The following SELE variants were observed in gnomAD, a reference collection of about 807,000 sequenced individuals.
SELE encodes the protein E-selectin.
In SELE, 52 loss-of-function variants were observed where a neutral mutation model predicts 75.8. That is an observed-to-expected ratio of 0.69 (90% CI 0.55 to 0.86). The LOEUF is 0.86. Among genes scored for constraint, SELE ranks in the 40% least tolerant of loss-of-function variants. The probability of loss-of-function intolerance (pLI) is 0.00; values close to 1 mark genes in which losing one functional copy is unlikely to be tolerated. For missense variants in SELE, 754 were observed against 732.7 expected, an observed-to-expected ratio of 1.03 and a Z score of -0.34; for synonymous variants, 285 against 258.7, an observed-to-expected ratio of 1.10 and a Z score of -0.98.
In SELE at chr1:169,732,620, T is replaced by C; in HGVS notation, c.416A>G (p.Tyr139Cys). 1 of 1,589,306 alleles carries C rather than the reference T, an allele frequency of 6.3e-7. No homozygotes were observed. Among genetic ancestry groups the C allele is most frequent in the Non-Finnish European group, 8.6e-7 (1 of 1,169,218 alleles). The change falls in exon 3 of 14, where the codon TAC becomes TGC. Residue 139 changes from tyrosine to cysteine, a missense_variant. Transcript: ENST00000333360. ...RCSKKKLALC[Y>C]TAACTNTSCS... ...TGCTGCCGCAAACTCCCTACCTGTGTAGCATAGGGCAAGCTTCTTCTTGCT... is the reference window on the plus strand; with the variant it reads ...TGCTGCCGCAAACTCCCTACCTGTGCAGCATAGGGCAAGCTTCTTCTTGCT...
intron 7 of SELE, among the ~76,000 whole-genome samples, chr1:169,728,622 T>C (rs1648835094): frequency 6.6e-6 from 1 of 152,190 alleles, no homozygotes; most frequent in Non-Finnish European, 1.5e-5. Context: ...GCAGTTTGGT[T>C]TTTGTGTTAT....
chr1:169,733,948 C>T (rs978230351), intron 1 of SELE, 23 bp downstream of exon 1: 6 of 331,156 alleles, frequency 1.8e-5, no homozygotes, highest in African/African-American at 8.6e-5. Flanking sequence ...CGAGGCTGCC[C>T]TTATAAAGCG....
intron 3 of SELE, 126 bp downstream of exon 3, chr1:169,732,489 T>C: frequency 1.7e-6 from 2 of 1,171,514 alleles, no homozygotes; most frequent in Non-Finnish European, 1.2e-6. Flanking sequence ...AGAGAAACTT[T>C]AGCAGTTAAA....
At chr1:169,732,566 G>A (rs371602040) in intron 3 of SELE, 49 bp downstream of exon 3, 6 of 1,512,234 alleles carry the variant, frequency 4.0e-6, no homozygotes, top group Non-Finnish European at 5.3e-6. Context: ...AATTTGCCAA[G>A]ATGCCCACAC....
intron 11 of SELE, 46 bp from the exon 12 acceptor site, chr1:169,725,974 T>G (rs1292074601): frequency 1.9e-6 from 3 of 1,605,638 alleles, no homozygotes; most frequent in Non-Finnish European, 2.6e-6. Context: ...CTAAATGACT[T>G]TTAAGGATAT....
Position 169,723,440 on chromosome 1 carries a change from AACAAAG to A in SELE, c.*1079_*1084del, listed in dbSNP as rs2101988880. 1 of 152,244 alleles carries A rather than the reference AACAAAG, an allele frequency of 6.6e-6. No individual in the cohort carries two copies. Among genetic ancestry groups the A allele is most frequent in the East Asian group, 1.9e-4 (1 of 5,204 alleles). The allele number at this position is 152,244 out of a possible 1,614,324, so 9.4% of individuals were successfully genotyped here. A position where few individuals can be genotyped will look rare whatever the true frequency, so the allele number is the denominator to read the frequency against. ...CATCCATCTTTCTGTATTCTTTTCC[AACAAAG>A]ACATTCATAAAATTATACCTTTGTG... On this transcript the variant is annotated 3_prime_UTR_variant, in exon 14 of 14. Coordinates refer to ENST00000333360, the MANE Select transcript of SELE (RefSeq NM_000450.2).
chr1:169,730,305 A>AATTG lies in SELE; in HGVS notation c.715+123_715+126dup. The AATTG allele has an allele frequency of 4.6e-6, 4 of 867,634 alleles. 1 individual carries two copies. Among genetic ancestry groups the AATTG allele is most frequent in the Non-Finnish European group, 6.7e-6 (4 of 593,196 alleles). 53.7% of individuals were successfully genotyped at this position (867,634 alleles called of 1,614,324 possible). On this transcript the variant is annotated intron_variant, in intron 5 of 13. Coordinates refer to ENST00000333360, the MANE Select transcript of SELE (RefSeq NM_000450.2). ...GCAATATACATTGGCTGAGAGAACA[A>AATTG]ATTGTATTAAAAACAAAAACAAAAA...
intron 5 of SELE, among the ~76,000 whole-genome samples, 193 bp downstream of exon 5, chr1:169,730,239 G>A (rs574122528): frequency 6.6e-6 from 1 of 151,760 alleles, no homozygotes; most frequent in South Asian, 2.1e-4. Context: ...TTCAAGCATA[G>A]AATAAAAAAA....
intron 2 of SELE, among the ~76,000 whole-genome samples, chr1:169,733,206 C>T (rs1648961546): frequency 6.6e-6 from 1 of 152,126 alleles, no homozygotes; most frequent in Admixed American, 6.6e-5. Context: ...GTACCTTATC[C>T]ACACTCACTC....
chr1:169,733,404 AC>A (rs2101994489), intron 2 of SELE, among the ~76,000 whole-genome samples, 171 bp downstream of exon 2: 1 of 152,330 alleles, frequency 6.6e-6, no homozygotes, highest in East Asian at 1.9e-4. Context: ...AAAGGGAGAC[AC>A]CAAGAGGTAA....
chr1:169,725,722 G>C lies in SELE; in HGVS notation c.*15+7C>G. ...TCTCATAACCATTTGTGATTTACAA[G>C]TCTTACCTGATTCTTTTGAACTTAA... On this transcript the variant is annotated splice_region_variant and intron_variant, in intron 13 of 13. Transcript: ENST00000333360. 1 of 1,609,034 alleles carries C rather than the reference G, an allele frequency of 6.2e-7. No homozygotes were observed. The highest frequency in any genetic ancestry group is 8.5e-7 in the Non-Finnish European group (1 of 1,175,540).
chr1:169,729,405 C>T (rs764375606), intron 6 of SELE, 31 bp from the exon 7 acceptor site: 57 of 1,610,050 alleles, frequency 3.5e-5, no homozygotes, highest in Admixed American at 2.2e-4. Flanking sequence ...GATATTAGCA[C>T]GGCCTAGAAT....
At position 169,729,551 on chromosome 1, in the gene SELE, C is replaced by T. The variant is rs777520312; in HGVS notation, c.838G>A (p.Gly280Arg). The T allele has an allele frequency of 1.9e-6, 3 of 1,614,134 alleles. No homozygotes were observed. Among genetic ancestry groups the T allele is most frequent in the African/African-American group, 1.3e-5 (1 of 75,032 alleles). ...FDCEEGFELM[G>R]AQSLQCTSSG... ...GAGGTACACTGAAGGCTCTGGGCTC[C>T]CATTAGTTCAAATCCTTCTTCACAG... is the stretch of plus-strand genomic sequence containing the variant. The change falls in exon 6 of 14, where the codon GGA becomes AGA. Residue 280 changes from glycine to arginine, a missense_variant. Physicochemically the swap from Gly to Arg is moderately radical, Grantham distance 125. Coordinates refer to ENST00000333360, the MANE Select transcript of SELE (RefSeq NM_000450.2).
rs375050921 is a variant in SELE, at chr1:169,726,685, A to G, written c.1753+14T>C. On this transcript the variant is annotated intron_variant, in intron 11 of 13. Coordinates refer to ENST00000333360, the MANE Select transcript of SELE (RefSeq NM_000450.2). Reference sequence around the variant, plus strand: ...TCAAAAACATTTTTGAAGTACATTCATAAACTTCCTCACCTTTCCGTAAGC... The same window carrying G: ...TCAAAAACATTTTTGAAGTACATTCGTAAACTTCCTCACCTTTCCGTAAGC... The G allele has an allele frequency of 3.2e-6, 5 of 1,572,142 alleles. No individual in the cohort carries two copies. The highest frequency in any genetic ancestry group is 2.6e-6 in the Non-Finnish European group (3 of 1,142,876).
Position 169,727,470 on chromosome 1 carries a change from C to T in SELE, c.1524G>A (p.Gly508=). 1 of 1,614,154 alleles carries T rather than the reference C, an allele frequency of 6.2e-7. No homozygotes were observed. Among genetic ancestry groups the T allele is most frequent in the Non-Finnish European group, 8.5e-7 (1 of 1,180,010 alleles). Residue 508 remains glycine, a synonymous_variant, in exon 10 of 14, where the codon GGG becomes GGA. Coordinates refer to ENST00000333360, the MANE Select transcript of SELE (RefSeq NM_000450.2). ...VPGKINMSCS[G]EPVFGTVCKF... The stretch of plus-strand genomic sequence containing the variant: ...TGCACACAGTGCCAAACACGGGCTC[C>T]CCACTGCAGCTCATGTTGATCTTTC...
chr1:169,727,800 T>A lies in SELE; in HGVS notation c.1407A>T (p.Gly469=), dbSNP rs763519377. 6.2e-7 allele frequency: 1 copy of A among 1,614,130 alleles called. No homozygotes were observed. Residue 469 remains glycine, a synonymous_variant, in exon 9 of 14, where the codon GGA becomes GGT. Coordinates refer to ENST00000333360, the MANE Select transcript of SELE (RefSeq NM_000450.2). The part of the protein sequence containing the change: ...FSCEEGFELH[G]STQLECTSQG... The stretch of plus-strand genomic sequence containing the variant: ...GAGATGTGCACTCAAGTTGAGTTGA[T>A]CCATGTAATTCAAATCCCTCCTCAC...
intron 2 of SELE, 63 bp downstream of exon 2, chr1:169,733,513 A>G: frequency 6.6e-7 from 1 of 1,505,054 alleles, no homozygotes; most frequent in Non-Finnish European, 9.2e-7. Context: ...AAGCAAGGAT[A>G]TTTCAGTCTG....
At chr1:169,732,036 C>A in intron 3 of SELE, 94 bp from the exon 4 acceptor site, 1 of 768,112 alleles carries the variant, frequency 1.3e-6, no homozygotes, top group Non-Finnish European at 2.2e-6. Context: ...ACAGAGACAT[C>A]AGCAGTCCTA....
chr1:169,726,423 T>TC (rs1388639764), intron 11 of SELE, among the ~76,000 whole-genome samples: 2 of 152,198 alleles, frequency 1.3e-5, no homozygotes, highest in Admixed American at 1.3e-4. Context: ...TCATGGCAGT[T>TC]CCATTGCACA....
Sources: gnomAD v4.1 joint callset for allele counts (sites outside exome capture counted in the v4.1 genomes callset) on GRCh38, gnomAD v4.1.1 for gene constraint, MANE v1.5 for transcripts, NCBI Gene and HGNC (gene_info 2026-07-23, HGNC 2026-07-21) for gene names.